The following RUNX2 variants were observed in gnomAD, a reference collection of about 807,000 sequenced individuals.
The protein encoded by RUNX2 is RUNX family transcription factor 2, also known as runt-related transcription factor 2.
Under a neutral mutation model 51.7 loss-of-function variants are expected in RUNX2, and 10 were observed. That is an observed-to-expected ratio of 0.19 (90% CI 0.12 to 0.33). The LOEUF is 0.33. RUNX2 is among the 10% of genes least tolerant of loss of function. The pLI, the probability that RUNX2 is intolerant of heterozygous loss-of-function variation, is 1.00. For missense variants in RUNX2, 562 were observed against 691.3 expected (o/e 0.81, Z 2.10); for synonymous variants, 276 against 273.6 (o/e 1.01, Z -0.09).
chr6:45,342,553 C>T (rs908611776), intron 2 of RUNX2, among the ~76,000 whole-genome samples: 14 of 152,174 alleles, frequency 9.2e-5, no homozygotes. Flanking sequence ...GCCACGACAC[C>T]CAGCCCTACA....
At chr6:45,428,590 T>C (rs1489948823) in intron 3 of RUNX2, among the ~76,000 whole-genome samples, 3 of 152,176 alleles carry the variant, frequency 2.0e-5, no homozygotes, top group African/African-American at 7.2e-5. Flanking sequence ...CAACTTGTGA[T>C]TATTTATTTG....
intron 2 of RUNX2, among the ~76,000 whole-genome samples, chr6:45,363,621 C>T (rs552053680): frequency 6.6e-5 from 10 of 151,902 alleles, no homozygotes; most frequent in Admixed American, 3.9e-4. Context: ...ACATAATTAA[C>T]ATAACACAAC....
At chr6:45,410,776 A>G (rs1023829579) in intron 2 of RUNX2, among the ~76,000 whole-genome samples, 4 of 152,174 alleles carry the variant, frequency 2.6e-5, no homozygotes, top group Non-Finnish European at 5.9e-5. Context: ...GGGAACCTAC[A>G]TGTTGCCCCT....
intron 5 of RUNX2, among the ~76,000 whole-genome samples, chr6:45,440,386 A>G (rs1485514657): frequency 1.3e-5 from 2 of 152,192 alleles, no homozygotes; most frequent in Non-Finnish European, 2.9e-5. Flanking sequence ...TTAAACAGTG[A>G]GTATAATAGG....
chr6:45,461,316 C>G (rs1218579445), intron 5 of RUNX2, among the ~76,000 whole-genome samples: 4 of 152,190 alleles, frequency 2.6e-5, no homozygotes, highest in Non-Finnish European at 4.4e-5. Flanking sequence ...TGGATCCATT[C>G]TACCTCTGTC....
chr6:45,375,660 C>T (rs1234076055), intron 2 of RUNX2, among the ~76,000 whole-genome samples: 1 of 152,128 alleles, frequency 6.6e-6, no homozygotes, highest in Non-Finnish European at 1.5e-5. Flanking sequence ...CCTCTGGCCT[C>T]AGCCTCCCAA....
Position 45,548,942 on chromosome 6 carries a change from C to T in RUNX2, c.*1637C>T. On this transcript the variant is annotated 3_prime_UTR_variant, in exon 9 of 9. Transcript: ENST00000647337. ...GGTCCTCTGAAAAGGCAGCAGGTTC[C>T]AGCAGGTAGCTGAGCTGAGAGGACA... 2.5e-6 allele frequency: 1 copy of T among 393,372 alleles called. No individual in the cohort carries two copies. 24.4% of individuals were successfully genotyped at this position (393,372 alleles called of 1,614,324 possible). A position where few individuals can be genotyped will look rare whatever the true frequency, so the allele number is the denominator to read the frequency against.
chr6:45,392,272 A>G (rs907039637), intron 2 of RUNX2, among the ~76,000 whole-genome samples: 3 of 152,194 alleles, frequency 2.0e-5, no homozygotes, highest in Admixed American at 6.5e-5. Flanking sequence ...TGAGAGGCCA[A>G]GGCAGGAGGA....
intron 5 of RUNX2, among the ~76,000 whole-genome samples, chr6:45,475,451 A>G (rs1010080126): frequency 2.6e-5 from 4 of 152,338 alleles, no homozygotes; most frequent in Admixed American, 1.3e-4. Context: ...CCCTGGCTCC[A>G]TGTGCAGGTA....
At chr6:45,469,259 G>T (rs1229893817) in intron 5 of RUNX2, among the ~76,000 whole-genome samples, 1 of 152,166 alleles carries the variant, frequency 6.6e-6, no homozygotes, top group African/African-American at 2.4e-5. Flanking sequence ...TCTATTAATA[G>T]CAAAGTGTCT....
At chr6:45,390,569 T>G (rs1262052158) in intron 2 of RUNX2, among the ~76,000 whole-genome samples, 1 of 152,212 alleles carries the variant, frequency 6.6e-6, no homozygotes, top group African/African-American at 2.4e-5. Context: ...ATAACTAGTC[T>G]TGATGGTGTG....
chr6:45,509,576 A>G (rs1194989519), intron 6 of RUNX2, among the ~76,000 whole-genome samples: 1 of 152,158 alleles, frequency 6.6e-6, no homozygotes, highest in Non-Finnish European at 1.5e-5. Flanking sequence ...TTTCTGTATT[A>G]TGCTGCCTCA....
chr6:45,545,283 G>T lies in RUNX2; in HGVS notation c.1087+1G>T. 1 of 1,547,646 alleles carries T rather than the reference G, an allele frequency of 6.5e-7. No homozygotes were observed. Among genetic ancestry groups the T allele is most frequent in the South Asian group, 1.2e-5 (1 of 84,010 alleles). ...ACTCTCAGTAAGAAGAGCCAGGCAGGTGAGACTTTTAACAATTGCTGGGCT... is the reference window on the plus strand; with the variant it reads ...ACTCTCAGTAAGAAGAGCCAGGCAGTTGAGACTTTTAACAATTGCTGGGCT... On this transcript the variant is annotated splice_donor_variant, in intron 8 of 8. Coordinates refer to ENST00000647337, the MANE Select transcript of RUNX2 (RefSeq NM_001024630.4). LOFTEE classifies it high-confidence loss of function.
chr6:45,430,114 A>G (rs1057286620), intron 3 of RUNX2, among the ~76,000 whole-genome samples: 2 of 152,052 alleles, frequency 1.3e-5, no homozygotes, highest in Non-Finnish European at 2.9e-5. Context: ...AAAAATTAAT[A>G]AAACACTTAC....
intron 5 of RUNX2, among the ~76,000 whole-genome samples, chr6:45,449,554 C>T (rs1361584135): frequency 6.6e-6 from 1 of 152,110 alleles, no homozygotes; most frequent in Non-Finnish European, 1.5e-5. Context: ...ATCCTGTTGC[C>T]GTTTGTCAAG....
At chr6:45,389,291 C>T (rs1228157621) in intron 2 of RUNX2, among the ~76,000 whole-genome samples, 4 of 152,130 alleles carry the variant, frequency 2.6e-5, no homozygotes, top group African/African-American at 9.7e-5. Flanking sequence ...CTTGCCATTG[C>T]TCAAATATTT....
At chr6:45,527,428 G>A (rs1258298054) in intron 7 of RUNX2, among the ~76,000 whole-genome samples, 4 of 152,174 alleles carry the variant, frequency 2.6e-5, no homozygotes, top group Non-Finnish European at 4.4e-5. Context: ...TAGGAGGCTT[G>A]GCAGTCACCC....
At chr6:45,339,377 C>T (rs888931611) in intron 2 of RUNX2, among the ~76,000 whole-genome samples, 5 of 152,116 alleles carry the variant, frequency 3.3e-5, no homozygotes, top group Non-Finnish European at 5.9e-5. Context: ...AATAGATAGC[C>T]AACTTTTAAT....
chr6:45,375,693 G>A (rs1446035103), intron 2 of RUNX2, among the ~76,000 whole-genome samples: 1 of 152,094 alleles, frequency 6.6e-6, no homozygotes, highest in Non-Finnish European at 1.5e-5. Flanking sequence ...ACAAGCATGA[G>A]CCAACGTGCC....
Sources: gnomAD v4.1 joint callset for allele counts (sites outside exome capture counted in the v4.1 genomes callset) on GRCh38, gnomAD v4.1.1 for gene constraint, MANE v1.5 for transcripts, NCBI Gene and HGNC (gene_info 2026-07-23, HGNC 2026-07-21) for gene names.